BLTP3A: variants seen among roughly 807,000 people sequenced by gnomAD.
The protein encoded by BLTP3A is ICBP90 binding protein 1.
the BLTP3A span, among the ~76,000 whole-genome samples, chr6:34,799,083 AG>A: frequency 6.6e-6 from 1 of 152,016 alleles, no homozygotes; most frequent in Non-Finnish European, 1.5e-5. Context: ...CTGAGACTAT[AG>A]GTGCCCGCCA....
chr6:34,876,220 G>C, the BLTP3A span: 24 of 152,688 alleles, frequency 1.6e-4, no homozygotes, highest in African/African-American at 5.1e-4. Context: ...CTATTCACAT[G>C]ATGGCTGCTC....
At chr6:34,821,932 T>C in the BLTP3A span, 1 of 1,614,240 alleles carries the variant, frequency 6.2e-7, no homozygotes, top group Non-Finnish European at 8.5e-7. Context: ...GTGGACAAAG[T>C]TGAAGACACA....
At chr6:34,872,446 G>A in the BLTP3A span, 3 of 1,603,896 alleles carry the variant, frequency 1.9e-6, no homozygotes, top group Non-Finnish European at 2.5e-6. Context: ...TGAAACCAGT[G>A]GCTCAGCCAT....
At chr6:34,847,605 T>G in the BLTP3A span, among the ~76,000 whole-genome samples, 218 of 152,118 alleles carry the variant, frequency 1.4e-3, no homozygotes, top group Non-Finnish European at 2.1e-3. Context: ...TAGTCTCTAC[T>G]GATTTTTTGA....
the BLTP3A span, among the ~76,000 whole-genome samples, chr6:34,859,821 C>G: frequency 6.6e-6 from 1 of 152,168 alleles, no homozygotes; most frequent in Non-Finnish European, 1.5e-5. Flanking sequence ...GTTAGCCAGG[C>G]TGGTCTTGAA....
the BLTP3A span, among the ~76,000 whole-genome samples, chr6:34,843,554 C>T: frequency 9.2e-5 from 14 of 152,176 alleles, no homozygotes; most frequent in South Asian, 1.0e-3. Flanking sequence ...CAGGGTAAAT[C>T]GGTTATCTAT....
chr6:34,859,439 C>T, the BLTP3A span: 1 of 1,614,130 alleles, frequency 6.2e-7, no homozygotes, highest in Admixed American at 1.7e-5. Flanking sequence ...ACCAAGGATG[C>T]CACCAAGGAG....
At chr6:34,794,014 G>A in the BLTP3A span, among the ~76,000 whole-genome samples, 1 of 152,032 alleles carries the variant, frequency 6.6e-6, no homozygotes, top group South Asian at 2.1e-4. Context: ...ACAGAAATTA[G>A]CCTGGCATGG....
the BLTP3A span, among the ~76,000 whole-genome samples, chr6:34,848,869 C>T: frequency 1.3e-5 from 2 of 150,322 alleles, no homozygotes; most frequent in Non-Finnish European, 2.9e-5. Flanking sequence ...TGGTTTCTGG[C>T]CTTCTTTTCC....
chr6:34,807,692 G>C, the BLTP3A span, among the ~76,000 whole-genome samples: 2 of 152,190 alleles, frequency 1.3e-5, no homozygotes, highest in Admixed American at 1.3e-4. Flanking sequence ...TAGATTTGTT[G>C]ACAGTGTAAA....
chr6:34,827,139 C>A, the BLTP3A span, among the ~76,000 whole-genome samples: 1 of 152,000 alleles, frequency 6.6e-6, no homozygotes, highest in African/African-American at 2.4e-5. Flanking sequence ...AGCGAAACCC[C>A]ATCTCTACTA....
the BLTP3A span, chr6:34,823,309 C>T: frequency 6.2e-7 from 1 of 1,614,088 alleles, no homozygotes; most frequent in Non-Finnish European, 8.5e-7. Context: ...CCTCGGCCCC[C>T]CAATGGACAG....
At chr6:34,843,078 G>T in the BLTP3A span, among the ~76,000 whole-genome samples, 1 of 152,114 alleles carries the variant, frequency 6.6e-6, no homozygotes, top group Non-Finnish European at 1.5e-5. Flanking sequence ...CAACTTCCCA[G>T]ACTCAAACGA....
chr6:34,793,436 C>T, the BLTP3A span, among the ~76,000 whole-genome samples: 1 of 152,154 alleles, frequency 6.6e-6, no homozygotes, highest in African/African-American at 2.4e-5. Context: ...CAGGCTTGCA[C>T]TGATGTTTCT....
At chr6:34,809,523 A>G in the BLTP3A span, among the ~76,000 whole-genome samples, 109 of 152,286 alleles carry the variant, frequency 7.2e-4, no homozygotes, top group African/African-American at 2.5e-3. Context: ...AAATCCATGT[A>G]TAACTTTTGA....
the BLTP3A span, chr6:34,858,086 A>T: frequency 3.1e-6 from 5 of 1,595,142 alleles, no homozygotes; most frequent in African/African-American, 6.8e-5. Flanking sequence ...AGATACTCAG[A>T]TGACCATTCT....
the BLTP3A span, among the ~76,000 whole-genome samples, chr6:34,796,853 C>T: frequency 1.3e-5 from 2 of 152,122 alleles, no homozygotes; most frequent in South Asian, 2.1e-4. Context: ...TGCAGGTGCA[C>T]GCCACCACGC....
At chr6:34,863,926 A>T in the BLTP3A span, 1 of 1,372,858 alleles carries the variant, frequency 7.3e-7, no homozygotes. Flanking sequence ...GCTGAAAGGG[A>T]TGGGTATTGT....
At chr6:34,870,979 C>T in the BLTP3A span, 2 of 1,614,032 alleles carry the variant, frequency 1.2e-6, no homozygotes, top group East Asian at 2.2e-5. Context: ...TGGCTTCCTA[C>T]ATTTATTGCT....
Sources: gnomAD v4.1 joint callset for allele counts (sites outside exome capture counted in the v4.1 genomes callset) on GRCh38, gnomAD v4.1.1 for gene constraint, MANE v1.5 for transcripts, NCBI Gene and HGNC (gene_info 2026-07-23, HGNC 2026-07-21) for gene names.